The following NQO2 variants were observed in gnomAD, a reference collection of about 807,000 sequenced individuals.
NQO2 encodes the protein N-ribosyldihydronicotinamide:quinone dehydrogenase 2, also known as ribosyldihydronicotinamide dehydrogenase [quinone].
Under a neutral mutation model 22.0 loss-of-function variants are expected in NQO2, and 18 were observed. The observed-to-expected ratio is 0.82, with a 90% CI of 0.56 to 1.21. NQO2 has a LOEUF of 1.21. NQO2 is among the 50% of genes most tolerant of loss of function. The pLI is 0.00. For missense variants in NQO2, 267 were observed against 286.9 expected (o/e 0.93, Z 0.50); for synonymous variants, 106 against 110.8 (o/e 0.96, Z 0.28).
chr6:3,005,271 T>C (rs1561710547), intron 1 of NQO2, among the ~76,000 whole-genome samples: 1 of 152,166 alleles, frequency 6.6e-6, no homozygotes, highest in African/African-American at 2.4e-5. Context: ...ACGAATGGAA[T>C]TGCTGAGTCA....
intron 2 of NQO2, among the ~76,000 whole-genome samples, chr6:3,008,626 C>A (rs1757031582): frequency 6.6e-6 from 1 of 152,156 alleles, no homozygotes; most frequent in African/African-American, 2.4e-5. Context: ...TGGCACACAT[C>A]TATCGGGGGA....
chr6:3,011,983 T>C (rs145422721), intron 3 of NQO2, among the ~76,000 whole-genome samples: 1 of 152,306 alleles, frequency 6.6e-6, no homozygotes, highest in African/African-American at 2.4e-5. Flanking sequence ...CATTTGAAGA[T>C]GTAAAACCCA....
At chr6:3,010,895 C>T (rs1757113847) in intron 3 of NQO2, among the ~76,000 whole-genome samples, 1 of 151,034 alleles carries the variant, frequency 6.6e-6, no homozygotes, top group African/African-American at 2.4e-5. Flanking sequence ...AGAGCTGAGG[C>T]AAACGTGGGC....
At chr6:3,012,080 T>A (rs184123591) in intron 3 of NQO2, among the ~76,000 whole-genome samples, 1 of 152,332 alleles carries the variant, frequency 6.6e-6, no homozygotes, top group East Asian at 1.9e-4. Context: ...CAGACAAATC[T>A]ATCAAAAACA....
At chr6:3,005,815 T>G in intron 1 of NQO2, 1 of 985,322 alleles carries the variant, frequency 1.0e-6, no homozygotes, top group Non-Finnish European at 1.2e-6. Context: ...TGGGCCATGC[T>G]GTGACTTTGT....
At position 3,013,057 on chromosome 6, in the gene NQO2, G is replaced by A. The variant is rs1046856441; in HGVS notation, c.303+383G>A. Reference sequence around the variant, plus strand: ...TGCAAGCTCCGCCTCCCGGGTTCACGCCATTCTCCCGCCTCAGCCTCCCGA... The same window carrying A: ...TGCAAGCTCCGCCTCCCGGGTTCACACCATTCTCCCGCCTCAGCCTCCCGA... On this transcript the variant is annotated intron_variant, in intron 4 of 6. Transcript: ENST00000380455. Among the ~76,000 whole-genome samples, 150 of 139,216 alleles carry A rather than the reference G, an allele frequency of 1.1e-3. 1 individual carries two copies. Among genetic ancestry groups the A allele is most frequent in the Non-Finnish European group, 1.8e-3 (118 of 65,604 alleles). 91.3% of individuals were successfully genotyped at this position (139,216 alleles called of 152,430 possible).
chr6:3,004,587 A>G (rs1756870702), intron 1 of NQO2: 1 of 985,420 alleles, frequency 1.0e-6, no homozygotes. Flanking sequence ...GCTCCTGGAC[A>G]GCTGGAGATA....
At chr6:3,008,786 T>A (rs1367894830) in intron 2 of NQO2, among the ~76,000 whole-genome samples, 1 of 152,148 alleles carries the variant, frequency 6.6e-6, no homozygotes, top group Non-Finnish European at 1.5e-5. Context: ...AGACATCACA[T>A]GTCGGCAGGT....
rs548546793 is a variant in NQO2 at position 3,005,697 on chromosome 6, G to A, written c.-85-771G>A. 7 of 985,358 alleles carry A rather than the reference G, an allele frequency of 7.1e-6. No homozygotes were observed. In the East Asian group the frequency reaches 7.9e-4, roughly 112 times the overall value. 61.0% of individuals were successfully genotyped at this position (985,358 alleles called of 1,614,324 possible). The stretch of plus-strand genomic sequence containing the variant: ...GAAGGAAGCCAGAATTTCAGAGATG[G>A]CCAGGAGGGGGTGAGGCCAAAGGCT... On this transcript the variant is annotated intron_variant, in intron 1 of 6. Coordinates refer to ENST00000380455, the MANE Select transcript of NQO2 (RefSeq NM_000904.6).
intron 4 of NQO2, among the ~76,000 whole-genome samples, chr6:3,013,439 T>C (rs1266283957): frequency 1.3e-5 from 2 of 152,216 alleles, no homozygotes; most frequent in Non-Finnish European, 1.5e-5. Flanking sequence ...GTTCCTGCCC[T>C]GAGACATTCT....
chr6:3,005,907 C>CAGACAGACTTGGTG, intron 1 of NQO2: 1 of 683,672 alleles, frequency 1.5e-6, no homozygotes, highest in Non-Finnish European at 1.8e-6. Context: ...GGAAATTGCA[C>CAGACAGACTTGGTG]CAAGTCTGTC....
chr6:3,012,203 A>AT (rs1237487298), intron 3 of NQO2, among the ~76,000 whole-genome samples: 2 of 152,172 alleles, frequency 1.3e-5, no homozygotes, highest in African/African-American at 4.8e-5. Flanking sequence ...CGTAGAGTTT[A>AT]TTTTTTTAGA....
intron 3 of NQO2, among the ~76,000 whole-genome samples, chr6:3,011,872 C>T (rs1289238545): frequency 6.6e-6 from 1 of 152,124 alleles, no homozygotes; most frequent in Non-Finnish European, 1.5e-5. Context: ...CTTTCCCAAA[C>T]AAAGAAAAGC....
chr6:3,009,250 G>A (rs1757064257), intron 2 of NQO2, among the ~76,000 whole-genome samples: 1 of 152,210 alleles, frequency 6.6e-6, no homozygotes, highest in South Asian at 2.1e-4. Context: ...AGAATTCAGC[G>A]ATATTTCTCC....
At chr6:3,015,296 C>T in intron 4 of NQO2, 1 of 1,457,172 alleles carries the variant, frequency 6.9e-7, no homozygotes, top group Non-Finnish European at 9.1e-7. Context: ...CAGGGGCTGT[C>T]ATCACTGGGG....
chr6:3,002,079 A>G (rs1174240678), intron 1 of NQO2: 5 of 331,526 alleles, frequency 1.5e-5, no homozygotes, highest in Non-Finnish European at 2.2e-5. Context: ...ACAAACTCAC[A>G]TGCCACCAGC....
chr6:3,005,262 C>T lies in NQO2; in HGVS notation c.-85-1206C>T, dbSNP rs115030889. On this transcript the variant is annotated intron_variant, in intron 1 of 6. Coordinates refer to ENST00000380455, the MANE Select transcript of NQO2 (RefSeq NM_000904.6). ...TTTCAGTTTTTTGGGTTCAGAGTAA[C>T]GAATGGAATTGCTGAGTCATATGTT... 7.3e-3 allele frequency among the ~76,000 whole-genome samples: 1,111 copies of T among 152,198 alleles called. 12 individuals carry two copies. Among genetic ancestry groups the T allele is most frequent in the African/African-American group, 0.025 (1,058 of 41,514 alleles).
chr6:3,005,596 T>C, intron 1 of NQO2: 1 of 965,580 alleles, frequency 1.0e-6, no homozygotes, highest in Non-Finnish European at 1.2e-6. Context: ...GTTTGCTTTG[T>C]TGTTGTTAAG....
chr6:3,008,931 G>A (rs955957971), intron 2 of NQO2, among the ~76,000 whole-genome samples: 1 of 152,164 alleles, frequency 6.6e-6, no homozygotes, highest in Non-Finnish European at 1.5e-5. Flanking sequence ...AAAGCAAATG[G>A]AGGCAGGGCG....
Sources: gnomAD v4.1 joint callset for allele counts (sites outside exome capture counted in the v4.1 genomes callset) on GRCh38, gnomAD v4.1.1 for gene constraint, MANE v1.5 for transcripts, NCBI Gene and HGNC (gene_info 2026-07-23, HGNC 2026-07-21) for gene names.